Variants in POLK observed in about 807,000 individuals in gnomAD.
POLK encodes the protein polymerase (DNA directed) kappa.
In POLK, 76 loss-of-function variants were observed where a neutral mutation model predicts 94.0. The observed-to-expected ratio is 0.81, with a 90% confidence interval of 0.67 to 0.98. The LOEUF (loss-of-function observed/expected upper bound fraction) is 0.98, where lower values mean the gene tolerates loss of function less well. POLK is among the 50% of genes least tolerant of loss of function. The pLI, the probability that POLK is intolerant of heterozygous loss-of-function variation, is 0.00. For missense variants in POLK, 954 were observed against 1,010.1 expected, an observed-to-expected ratio of 0.94 and a Z score of 0.75; for synonymous variants, 349 against 325.4, an observed-to-expected ratio of 1.07 and a Z score of -0.78.
intron 1 of POLK, among the ~76,000 whole-genome samples, chr5:75,524,263 G>T (rs891696817): frequency 2.0e-5 from 3 of 152,214 alleles, no homozygotes; most frequent in South Asian, 2.1e-4. Flanking sequence ...GGGGTGGACA[G>T]TTCACAGAAT....
chr5:75,555,388 T>C (rs764190792), intron 3 of POLK, among the ~76,000 whole-genome samples: 14 of 152,176 alleles, frequency 9.2e-5, no homozygotes, highest in Non-Finnish European at 1.8e-4. Flanking sequence ...ATGTCATATA[T>C]TAGAATCATA....
intron 1 of POLK, among the ~76,000 whole-genome samples, chr5:75,528,257 A>C (rs576658895): frequency 3.7e-4 from 57 of 152,312 alleles, no homozygotes; most frequent in Middle Eastern, 3.4e-3. Flanking sequence ...TTTAAATAAA[A>C]ATAATTCCAT....
At chr5:75,572,292 ATAAT>A (rs1771637920) in intron 4 of POLK, among the ~76,000 whole-genome samples, 1 of 152,206 alleles carries the variant, frequency 6.6e-6, no homozygotes, top group Admixed American at 6.6e-5. Context: ...AGCAAAAAAG[ATAAT>A]TAAGCCTTAA....
At chr5:75,608,304 C>T in the POLK span, among the ~76,000 whole-genome samples, 1 of 152,018 alleles carries the variant, frequency 6.6e-6, no homozygotes, top group African/African-American at 2.4e-5. Context: ...GGCCATACTC[C>T]CATCTCAGCT....
chr5:75,514,558 A>G lies in POLK; in HGVS notation c.-14+2644A>G, dbSNP rs567596713. Among the ~76,000 whole-genome samples, 5 of 152,368 alleles carry G rather than the reference A, an allele frequency of 3.3e-5. No homozygotes were observed. The East Asian group carries it at 7.7e-4, about 23-fold the overall frequency. ...GCTCTTCACAAAAATCCTGCAAGGT[A>G]GACATTATTCTTACTTTACATATGA... On this transcript the variant is annotated intron_variant, in intron 1 of 14. Transcript: ENST00000241436.
intron 1 of POLK, among the ~76,000 whole-genome samples, chr5:75,537,163 T>A (rs1580956707): frequency 6.6e-6 from 1 of 152,326 alleles, no homozygotes; most frequent in South Asian, 2.1e-4. Flanking sequence ...CTATTGAGGC[T>A]ATAACACTGG....
At chr5:75,582,664 T>G (rs1449042010) in intron 7 of POLK, 2 of 152,234 alleles carry the variant, frequency 1.3e-5, no homozygotes, top group African/African-American at 4.8e-5. Flanking sequence ...AAAAACAATC[T>G]GGGCTGGGCA....
intron 1 of POLK, among the ~76,000 whole-genome samples, chr5:75,517,446 A>G (rs1025592120): frequency 2.6e-5 from 4 of 152,192 alleles, no homozygotes; most frequent in Non-Finnish European, 5.9e-5. Context: ...CAAGAAAGCA[A>G]TCTAAATAAA....
intron 3 of POLK, among the ~76,000 whole-genome samples, chr5:75,557,551 AACC>A (rs1770701498): frequency 6.6e-6 from 1 of 152,212 alleles, no homozygotes; most frequent in East Asian, 1.9e-4. Context: ...TTGTAAGTCA[AACC>A]ATCATAAGTC....
intron 1 of POLK, among the ~76,000 whole-genome samples, chr5:75,514,836 G>C (rs1768245953): frequency 6.6e-6 from 1 of 151,630 alleles, no homozygotes; most frequent in South Asian, 2.1e-4. Flanking sequence ...GTGCACTCCA[G>C]TGTAGGTGAC....
At chr5:75,570,165 GGAACT>G (rs1771516327) in intron 4 of POLK, among the ~76,000 whole-genome samples, 1 of 152,158 alleles carries the variant, frequency 6.6e-6, no homozygotes, top group African/African-American at 2.4e-5. Flanking sequence ...AAAAAGGTTA[GGAACT>G]GCTGCTTTAA....
At chr5:75,542,699 A>G (rs564484394) in intron 1 of POLK, among the ~76,000 whole-genome samples, 5 of 147,368 alleles carry the variant, frequency 3.4e-5, no homozygotes, top group South Asian at 4.2e-4. Context: ...ATATGTATAT[A>G]TATGTATTTT....
upstream of POLK, chr5:75,511,496 A>G: frequency 6.7e-7 from 1 of 1,489,956 alleles, no homozygotes; most frequent in Non-Finnish European, 8.9e-7. Flanking sequence ...TGCCACCCGA[A>G]CTTAGCCCCC....
At chr5:75,535,790 C>T (rs5744571) in intron 1 of POLK, among the ~76,000 whole-genome samples, 5,007 of 152,248 alleles carry the variant, frequency 0.033, 268 homozygotes, top group African/African-American at 0.11. Context: ...ATGTGTTTTT[C>T]ATCTCTATCA....
the POLK span, chr5:75,609,137 A>AT: frequency 6.6e-6 from 1 of 152,064 alleles, no homozygotes; most frequent in Non-Finnish European, 1.5e-5. Flanking sequence ...ATGATGATGC[A>AT]TTTTCTCCTG....
intron 3 of POLK, among the ~76,000 whole-genome samples, chr5:75,562,713 G>A (rs550906173): frequency 1.3e-5 from 2 of 152,124 alleles, no homozygotes; most frequent in Non-Finnish European, 2.9e-5. Flanking sequence ...AGAGTTTTTA[G>A]CATGAAGGGG....
chr5:75,596,111 C>T, intron 12 of POLK, 111 bp from the exon 13 acceptor site: 1 of 645,374 alleles, frequency 1.5e-6, no homozygotes, highest in Non-Finnish European at 2.8e-6. Flanking sequence ...CTTATAGTTT[C>T]TCTCTAGCCA....
At chr5:75,597,911 T>TTG in intron 14 of POLK, 23 bp from the exon 15 acceptor site, 1 of 1,299,948 alleles carries the variant, frequency 7.7e-7, no homozygotes, top group Non-Finnish European at 1.1e-6. Context: ...TGCATTTTAA[T>TTG]TGTGTGTTCC....
intron 3 of POLK, among the ~76,000 whole-genome samples, chr5:75,555,138 G>A (rs532899600): frequency 7.2e-5 from 11 of 152,282 alleles, no homozygotes; most frequent in South Asian, 2.1e-4. Context: ...ATGAATCTAC[G>A]TTGACACAAC....
Sources: gnomAD v4.1 joint callset for allele counts (sites outside exome capture counted in the v4.1 genomes callset) on GRCh38, gnomAD v4.1.1 for gene constraint, MANE v1.5 for transcripts, NCBI Gene and HGNC (gene_info 2026-07-23, HGNC 2026-07-21) for gene names.